ZCCHC17: variants seen among roughly 807,000 people sequenced by gnomAD.
ZCCHC17 encodes zinc finger CCHC domain-containing protein 17.
Under a neutral mutation model 30.6 loss-of-function variants are expected in ZCCHC17, and 18 were observed. That is an observed-to-expected ratio of 0.59 (90% confidence interval 0.41 to 0.87). ZCCHC17 has a LOEUF of 0.87. Ranked by LOEUF, ZCCHC17 falls within the 40% of genes least tolerant of loss-of-function variation. ZCCHC17 has a pLI of 0.00. For missense variants in ZCCHC17, 263 were observed against 284.2 expected (o/e 0.93, Z 0.54); for synonymous variants, 88 against 92.4 (o/e 0.95, Z 0.27).
At chr1:31,300,933 CAAAAAAAAA>C (rs199550009) in intron 1 of ZCCHC17, among the ~76,000 whole-genome samples, 1 of 108,076 alleles carries the variant, frequency 9.3e-6, no homozygotes, top group East Asian at 2.4e-4. Flanking sequence ...AACTCTGTCT[CAAAAAAAAA>C]AAAAGAAAAA....
intron 3 of ZCCHC17, among the ~76,000 whole-genome samples, chr1:31,327,021 A>C (rs756352): frequency 0.78 from 118,979 of 152,030 alleles, 46,963 homozygotes; most frequent in African/African-American, 0.84. Context: ...ACTTCAGCCA[A>C]CACTGAGTTG....
chr1:31,313,498 G>A (rs1646655654), intron 2 of ZCCHC17, among the ~76,000 whole-genome samples: 1 of 152,206 alleles, frequency 6.6e-6, no homozygotes, highest in African/African-American at 2.4e-5. Context: ...CAGACTTTGT[G>A]ATTATCAGTC....
At position 31,311,319 on chromosome 1, in the gene ZCCHC17, C is replaced by T. The variant is rs79587466; in HGVS notation, c.66+1155C>T. The stretch of plus-strand genomic sequence containing the variant: ...ATTGAATACAGACATGGACCTTCCA[C>T]AGCTTGCCCCTGGGTGCTCTCACAA... On this transcript the variant is annotated intron_variant, in intron 2 of 7. Transcript: ENST00000344147. 7.3e-3 allele frequency among the ~76,000 whole-genome samples: 1,109 copies of T among 152,264 alleles called. 12 individuals are homozygous for T. Among genetic ancestry groups the T allele is most frequent in the African/African-American group, 0.025 (1,037 of 41,556 alleles).
rs1569966194 is a variant in ZCCHC17 at position 31,364,331 on chromosome 1, A to G, written c.*138A>G. ...CTCCCATGGGAGATGGCTTCCCCTC[A>G]TGCAACAGGCAGGTTTGGGAGTTAG... On this transcript the variant is annotated 3_prime_UTR_variant, in exon 8 of 8. Coordinates refer to ENST00000344147, the MANE Select transcript of ZCCHC17 (RefSeq NM_016505.4). 2.1e-6 allele frequency: 3 copies of G among 1,407,328 alleles called. No homozygotes were observed. In the East Asian group the frequency reaches 7.5e-5, roughly 35 times the overall value. 87.2% of individuals were successfully genotyped at this position (1,407,328 alleles called of 1,614,324 possible).
chr1:31,351,717 G>A (rs563959890), intron 7 of ZCCHC17, among the ~76,000 whole-genome samples: 16 of 152,160 alleles, frequency 1.1e-4, no homozygotes, highest in African/African-American at 2.9e-4. Context: ...GCTCCTGTCC[G>A]GGCAACAGAG....
intron 3 of ZCCHC17, among the ~76,000 whole-genome samples, chr1:31,326,666 G>A (rs985529482): frequency 1.2e-4 from 19 of 152,250 alleles, no homozygotes; most frequent in Admixed American, 9.8e-4. Context: ...TCCATACCCT[G>A]TCAGGTGATG....
At chr1:31,306,027 T>G (rs927295477) in intron 1 of ZCCHC17, among the ~76,000 whole-genome samples, 6 of 152,186 alleles carry the variant, frequency 3.9e-5, no homozygotes, top group Non-Finnish European at 7.3e-5. Flanking sequence ...ACCCACAAAT[T>G]TAATGCCTTC....
At chr1:31,322,873 C>A (rs1253696660) in intron 3 of ZCCHC17, among the ~76,000 whole-genome samples, 3 of 152,088 alleles carry the variant, frequency 2.0e-5, no homozygotes, top group Non-Finnish European at 4.4e-5. Context: ...AGGTGTGCAC[C>A]ACCATGCCTG....
chr1:31,314,678 G>C (rs995684242), intron 2 of ZCCHC17, among the ~76,000 whole-genome samples: 1 of 152,090 alleles, frequency 6.6e-6, no homozygotes, highest in African/African-American at 2.4e-5. Flanking sequence ...GTACATAAAT[G>C]TGTGGAGGAA....
At chr1:31,324,359 G>A (rs1638253475) in intron 3 of ZCCHC17, among the ~76,000 whole-genome samples, 1 of 152,158 alleles carries the variant, frequency 6.6e-6, no homozygotes, top group Admixed American at 6.5e-5. Flanking sequence ...AGCCATAGTG[G>A]GGGCTGTGCG....
At chr1:31,354,515 G>C (rs1002618338) in intron 7 of ZCCHC17, among the ~76,000 whole-genome samples, 1 of 152,008 alleles carries the variant, frequency 6.6e-6, no homozygotes, top group Non-Finnish European at 1.5e-5. Context: ...GCCAGATCTA[G>C]ATTTTTAACT....
At chr1:31,359,780 C>T (rs1412929325) in intron 7 of ZCCHC17, among the ~76,000 whole-genome samples, 4 of 152,122 alleles carry the variant, frequency 2.6e-5, no homozygotes, top group Non-Finnish European at 4.4e-5. Flanking sequence ...GCCATGGGCT[C>T]ACACTCCTAT....
rs1640059758 is a variant in ZCCHC17 at position 31,364,559 on chromosome 1, G to A, written c.*366G>A. The A allele has an allele frequency of 4.2e-6, 1 of 236,512 alleles. No individual in the cohort carries two copies. Among genetic ancestry groups the A allele is most frequent in the Admixed American group, 5.0e-5 (1 of 20,104 alleles). The allele number at this position is 236,512 out of a possible 1,614,324, so 14.7% of individuals were successfully genotyped here. On this transcript the variant is annotated 3_prime_UTR_variant, in exon 8 of 8. Transcript: ENST00000344147. ...GAGCCACAGAGACTGTTGTGGAGGT[G>A]AGTTCGGCTGTAGTTAGAGTGATTG...
chr1:31,319,165 AG>A lies in ZCCHC17; in HGVS notation c.124+1del. The A allele has an allele frequency of 1.9e-6, 3 of 1,610,324 alleles. No individual in the cohort carries two copies. The highest frequency in any genetic ancestry group is 2.5e-6 in the Non-Finnish European group (3 of 1,177,180). On this transcript the variant is annotated frameshift_variant and splice_region_variant, in exon 3 of 8. Coordinates refer to ENST00000344147, the MANE Select transcript of ZCCHC17 (RefSeq NM_016505.4). LOFTEE classifies it high-confidence loss of function. ...FIKIPGCRKQ[G>X]LVHRTHMSSC... ...TCAAAATCCCAGGCTGTCGGAAGCA[AG>A]GTAGGAGTTTATAACTTGAAATTCA...
At chr1:31,314,442 GA>G (rs77025494) in intron 2 of ZCCHC17, among the ~76,000 whole-genome samples, 2,884 of 107,770 alleles carry the variant, frequency 0.027, 35 homozygotes, top group South Asian at 0.053. Flanking sequence ...CATTAAAATT[GA>G]AAAAAAAAAA....
intron 1 of ZCCHC17, among the ~76,000 whole-genome samples, chr1:31,304,930 T>TC (rs1189743863): frequency 6.6e-6 from 1 of 152,164 alleles, no homozygotes; most frequent in Non-Finnish European, 1.5e-5. Context: ...TCTTTTTTTT[T>TC]CCAAGTGAAA....
chr1:31,300,834 G>A (rs1484441154), intron 1 of ZCCHC17, among the ~76,000 whole-genome samples: 1 of 152,132 alleles, frequency 6.6e-6, no homozygotes, highest in African/African-American at 2.4e-5. Flanking sequence ...TACTCGGGAG[G>A]CTGAGGCAGG....
chr1:31,337,457 GGAAT>G (rs1369122660), intron 4 of ZCCHC17, among the ~76,000 whole-genome samples, 182 bp downstream of exon 4: 1 of 152,180 alleles, frequency 6.6e-6, no homozygotes, highest in Non-Finnish European at 1.5e-5. Flanking sequence ...AAACTCAGAA[GGAAT>G]GATATGAGCT....
chr1:31,306,589 A>T (rs1646463847), intron 1 of ZCCHC17, among the ~76,000 whole-genome samples: 1 of 152,198 alleles, frequency 6.6e-6, no homozygotes, highest in Non-Finnish European at 1.5e-5. Flanking sequence ...GTAGACTGTG[A>T]GTAACTGCAA....
Sources: allele counts gnomAD v4.1 joint callset (sites outside exome capture counted in the v4.1 genomes callset), GRCh38; gene constraint gnomAD v4.1.1; transcripts MANE v1.5; gene names NCBI Gene and HGNC (gene_info 2026-07-23, HGNC 2026-07-21).